The following RARB variants were observed in gnomAD, a reference collection of about 807,000 sequenced individuals.
RARB encodes the protein retinoic acid receptor beta, also known as HBV-activated protein.
In RARB, 17 loss-of-function variants were observed where a neutral mutation model predicts 51.9. The ratio of observed to expected loss-of-function variants is 0.33; its 90% CI spans 0.22 to 0.49. The LOEUF is 0.49. Among genes scored for constraint, RARB ranks in the 20% least tolerant of loss-of-function variants. The pLI is 0.99. For synonymous variants in RARB, 215 were observed against 195.4 expected (o/e 1.10, Z -0.84); for missense variants, 369 against 550.8 (o/e 0.67, Z 3.30).
At chr3:24,981,225 C>T (rs1174674570) in intron 2 of RARB, among the ~76,000 whole-genome samples, 2 of 152,198 alleles carry the variant, frequency 1.3e-5, no homozygotes, top group African/African-American at 4.8e-5. Context: ...ACACAGGAGT[C>T]AGGGACCCAC....
intron 4 of RARB, among the ~76,000 whole-genome samples, chr3:25,147,147 A>G (rs1483880925): frequency 6.6e-6 from 1 of 152,128 alleles, no homozygotes; most frequent in Non-Finnish European, 1.5e-5. Flanking sequence ...CAATTTCCAG[A>G]GGTATTTTCT....
intron 4 of RARB, among the ~76,000 whole-genome samples, chr3:25,575,240 T>A (rs1283284830): frequency 6.6e-6 from 1 of 152,196 alleles, no homozygotes; most frequent in Non-Finnish European, 1.5e-5. Context: ...GTTCTGGCGA[T>A]AACGCTCGCT....
chr3:25,422,235 G>T (rs544383195), intron 5 of RARB, among the ~76,000 whole-genome samples: 2 of 152,138 alleles, frequency 1.3e-5, no homozygotes, highest in Non-Finnish European at 2.9e-5. Flanking sequence ...ATATTAACAC[G>T]AAATAATTGC....
chr3:25,038,750 A>T (rs1698055128), intron 2 of RARB, among the ~76,000 whole-genome samples: 1 of 152,126 alleles, frequency 6.6e-6, no homozygotes, highest in Non-Finnish European at 1.5e-5. Context: ...ATGTTTTAAG[A>T]ACAATAGAAA....
chr3:24,962,524 T>G (rs1696163735), intron 2 of RARB, among the ~76,000 whole-genome samples: 1 of 152,104 alleles, frequency 6.6e-6, no homozygotes, highest in African/African-American at 2.4e-5. Context: ...CCGATACCAG[T>G]CCATGGCCTT....
intron 3 of RARB, among the ~76,000 whole-genome samples, chr3:25,567,749 G>A (rs1341217748): frequency 6.6e-6 from 1 of 152,176 alleles, no homozygotes; most frequent in South Asian, 2.1e-4. Context: ...CTCTGTTTCA[G>A]AAGGACCCTC....
intron 5 of RARB, among the ~76,000 whole-genome samples, chr3:25,309,097 T>C (rs2125432259): frequency 6.6e-6 from 1 of 150,468 alleles, no homozygotes; most frequent in Admixed American, 6.6e-5. Flanking sequence ...TTTTTTCCTG[T>C]CCCCTGTCAT....
intron 5 of RARB, among the ~76,000 whole-genome samples, chr3:25,581,386 A>T (rs927165726): frequency 6.6e-6 from 1 of 152,126 alleles, no homozygotes; most frequent in Non-Finnish European, 1.5e-5. Flanking sequence ...CATACGTCTA[A>T]TGGGAGCTGC....
chr3:25,362,768 C>T (rs1031610570), intron 5 of RARB, among the ~76,000 whole-genome samples: 1 of 152,154 alleles, frequency 6.6e-6, no homozygotes, highest in African/African-American at 2.4e-5. Flanking sequence ...AGCAGTGCCC[C>T]ACCCTGCTTT....
intron 5 of RARB, among the ~76,000 whole-genome samples, chr3:25,292,539 A>T (rs997328659): frequency 6.6e-6 from 1 of 152,226 alleles, no homozygotes; most frequent in African/African-American, 2.4e-5. Flanking sequence ...GTAGATTATA[A>T]GATGAAAAAG....
chr3:25,368,283 C>A (rs11716065), intron 5 of RARB, among the ~76,000 whole-genome samples: 12,412 of 152,052 alleles, frequency 0.082, 714 homozygotes, highest in South Asian at 0.19. Flanking sequence ...AATTTCTAGA[C>A]TAGGCAATTG....
chr3:25,489,149 T>G (rs182471025), intron 2 of RARB, among the ~76,000 whole-genome samples: 2 of 152,364 alleles, frequency 1.3e-5, no homozygotes, highest in African/African-American at 4.8e-5. Flanking sequence ...GAAGCTATAA[T>G]GTGCTAATTG....
At chr3:24,860,615 T>G (rs577872024) in intron 2 of RARB, among the ~76,000 whole-genome samples, 2 of 152,120 alleles carry the variant, frequency 1.3e-5, no homozygotes, top group South Asian at 4.1e-4. Context: ...ATTTGAGGCA[T>G]GCTGATTGAA....
intron 5 of RARB, among the ~76,000 whole-genome samples, chr3:25,292,799 T>C (rs1559346620): frequency 1.3e-5 from 2 of 152,128 alleles, no homozygotes; most frequent in African/African-American, 4.8e-5. Context: ...GTGCCCTTGA[T>C]TTTAGCTGCA....
chr3:25,191,515 A>G (rs1461449560), intron 5 of RARB, among the ~76,000 whole-genome samples: 1 of 152,144 alleles, frequency 6.6e-6, no homozygotes, highest in Non-Finnish European at 1.5e-5. Context: ...TGTTAAATGA[A>G]GGAAAGAATC....
At chr3:25,379,149 A>G (rs774410034) in intron 5 of RARB, among the ~76,000 whole-genome samples, 3 of 152,192 alleles carry the variant, frequency 2.0e-5, no homozygotes, top group Admixed American at 6.5e-5. Flanking sequence ...CTTGGTGTGT[A>G]CAAACTCCCC....
chr3:25,149,855 GA>G (rs1700253751), intron 4 of RARB, among the ~76,000 whole-genome samples: 1 of 152,136 alleles, frequency 6.6e-6, no homozygotes, highest in Admixed American at 6.5e-5. Flanking sequence ...TACACTTAAT[GA>G]AATTTTAACA....
intron 1 of RARB, among the ~76,000 whole-genome samples, chr3:24,834,960 G>A (rs1702325099): frequency 6.6e-6 from 1 of 150,668 alleles, no homozygotes; most frequent in Admixed American, 6.6e-5. Context: ...ATCGTCTTCA[G>A]TTCTTCCTTT....
intron 5 of RARB, among the ~76,000 whole-genome samples, chr3:25,246,421 C>T (rs113670266): frequency 3.9e-5 from 6 of 152,162 alleles, no homozygotes; most frequent in South Asian, 4.1e-4. Context: ...TGGAATTTTC[C>T]GCCTTTTTGT....
Sources: allele counts gnomAD v4.1 joint callset (sites outside exome capture counted in the v4.1 genomes callset), GRCh38; gene constraint gnomAD v4.1.1; transcripts MANE v1.5; gene names NCBI Gene and HGNC (gene_info 2026-07-23, HGNC 2026-07-21).